Variants in LRFN2 observed in about 807,000 individuals in gnomAD.
The protein encoded by LRFN2 is leucine-rich repeat and fibronectin type-III domain-containing protein 2.
A neutral mutation model predicts 37.3 loss-of-function variants in LRFN2; 18 were observed. The ratio of observed to expected loss-of-function variants is 0.48; its 90% CI spans 0.33 to 0.72. The LOEUF (loss-of-function observed/expected upper bound fraction) is 0.72. Among genes scored for constraint, LRFN2 ranks in the 30% least tolerant of loss-of-function variants. The pLI is 0.02. For synonymous variants in LRFN2, 556 were observed against 466.6 expected, an observed-to-expected ratio of 1.19 and a Z score of -2.47; for missense variants, 1,006 against 1,060.7, an observed-to-expected ratio of 0.95 and a Z score of 0.72.
At chr6:40,567,945 C>T (rs1270971294) in intron 1 of LRFN2, among the ~76,000 whole-genome samples, 1 of 152,168 alleles carries the variant, frequency 6.6e-6, no homozygotes, top group African/African-American at 2.4e-5. Flanking sequence ...CCCTAAACAG[C>T]CTGCTCAAGA....
At chr6:40,582,016 T>C (rs899663160) in intron 1 of LRFN2, among the ~76,000 whole-genome samples, 4 of 152,070 alleles carry the variant, frequency 2.6e-5, no homozygotes, top group African/African-American at 9.7e-5. Context: ...AGTACTACTT[T>C]TGGAGAAAAG....
chr6:40,529,336 G>A (rs1163568633), intron 1 of LRFN2, among the ~76,000 whole-genome samples: 14 of 152,172 alleles, frequency 9.2e-5, no homozygotes, highest in Admixed American at 9.2e-4. Flanking sequence ...GAGGTTTGGG[G>A]TTCAGGGTCA....
At chr6:40,562,189 C>G (rs1215299697) in intron 1 of LRFN2, among the ~76,000 whole-genome samples, 1 of 152,048 alleles carries the variant, frequency 6.6e-6, no homozygotes, top group Non-Finnish European at 1.5e-5. Flanking sequence ...GAGTTGTGGG[C>G]AAGGCTGAGC....
Position 40,496,088 on chromosome 6 carries a change from T to C in LRFN2, c.-18-62957A>G, listed in dbSNP as rs571925932. ...CCATCCAGATGCTCAAGCCAAAAGC[T>C]TAAGAGACATTCTTGATTCCTCCCT... On this transcript the variant is annotated intron_variant, in intron 1 of 2. Coordinates refer to ENST00000338305, the MANE Select transcript of LRFN2 (RefSeq NM_020737.3). 2.0e-5 allele frequency among the ~76,000 whole-genome samples: 3 copies of C among 152,234 alleles called. No homozygotes were observed. The East Asian group carries it at 5.8e-4, about 29-fold the overall frequency.
rs558657514 is a variant in LRFN2 at position 40,444,868 on chromosome 6, T to C, written c.-18-11737A>G. 1.1e-4 allele frequency among the ~76,000 whole-genome samples: 16 copies of C among 152,074 alleles called. No homozygotes were observed. The South Asian group carries it at 3.3e-3, about 32-fold the overall frequency. Reference sequence around the variant, plus strand: ...TTTTTCCTGCTTTGCAATTTTTTGCTTCTCCATTTCCTCCTGCCTCTGTCT... The same window carrying C: ...TTTTTCCTGCTTTGCAATTTTTTGCCTCTCCATTTCCTCCTGCCTCTGTCT... On this transcript the variant is annotated intron_variant, in intron 1 of 2. Transcript: ENST00000338305.
chr6:40,464,037 G>T (rs1764405013), intron 1 of LRFN2, among the ~76,000 whole-genome samples: 1 of 152,114 alleles, frequency 6.6e-6, no homozygotes, highest in African/African-American at 2.4e-5. Context: ...TTACTCTGCA[G>T]GAAGTCCTTT....
At chr6:40,493,480 C>A (rs2113871234) in intron 1 of LRFN2, among the ~76,000 whole-genome samples, 1 of 152,334 alleles carries the variant, frequency 6.6e-6, no homozygotes, top group South Asian at 2.1e-4. Context: ...TCTGCCTTCA[C>A]ATCTTCCATT....
intron 1 of LRFN2, among the ~76,000 whole-genome samples, chr6:40,450,641 C>G (rs1232628494): frequency 6.6e-6 from 1 of 152,158 alleles, no homozygotes; most frequent in Non-Finnish European, 1.5e-5. Flanking sequence ...ACGGGCAACA[C>G]CAAGTGAGGA....
chr6:40,500,256 G>T (rs1407796054), intron 1 of LRFN2, among the ~76,000 whole-genome samples: 1 of 152,242 alleles, frequency 6.6e-6, no homozygotes, highest in Non-Finnish European at 1.5e-5. Context: ...CCAGGGGAAG[G>T]CCCCCTTGCC....
intron 1 of LRFN2, among the ~76,000 whole-genome samples, chr6:40,544,649 G>A (rs1188784928): frequency 1.3e-5 from 2 of 152,220 alleles, no homozygotes; most frequent in African/African-American, 4.8e-5. Flanking sequence ...AAGGAAATTA[G>A]TCCAAGCTCA....
chr6:40,525,225 C>T (rs893325178), intron 1 of LRFN2, among the ~76,000 whole-genome samples: 1 of 152,332 alleles, frequency 6.6e-6, no homozygotes, highest in East Asian at 1.9e-4. Context: ...AGGCCACTCC[C>T]TTGCTCGCCC....
chr6:40,579,975 T>C (rs1767366111), intron 1 of LRFN2, among the ~76,000 whole-genome samples: 1 of 152,090 alleles, frequency 6.6e-6, no homozygotes, highest in Non-Finnish European at 1.5e-5. Flanking sequence ...CCTTAAAGTT[T>C]GAAGGAAGTG....
chr6:40,413,656 T>C (rs969840685), intron 2 of LRFN2, among the ~76,000 whole-genome samples: 1 of 152,166 alleles, frequency 6.6e-6, no homozygotes, highest in Non-Finnish European at 1.5e-5. Flanking sequence ...GTGGAAGGCA[T>C]GCATCAGCCT....
intron 2 of LRFN2, among the ~76,000 whole-genome samples, chr6:40,423,553 AT>A (rs1763278906): frequency 6.6e-6 from 1 of 152,292 alleles, no homozygotes; most frequent in Admixed American, 6.5e-5. Flanking sequence ...CAATAAAGTG[AT>A]TTTCCCATTG....
At chr6:40,515,199 G>A (rs1055873657) in intron 1 of LRFN2, among the ~76,000 whole-genome samples, 1 of 152,198 alleles carries the variant, frequency 6.6e-6, no homozygotes, top group Non-Finnish European at 1.5e-5. Flanking sequence ...CTGAGTAAAG[G>A]GGGGAAGGGG....
chr6:40,529,249 C>T (rs1052261384), intron 1 of LRFN2, among the ~76,000 whole-genome samples: 1 of 152,164 alleles, frequency 6.6e-6, no homozygotes, highest in Non-Finnish European at 1.5e-5. Flanking sequence ...ACCCCAGGAC[C>T]TTTGCATAAC....
intron 1 of LRFN2, among the ~76,000 whole-genome samples, chr6:40,452,911 G>C (rs1279607551): frequency 6.6e-6 from 1 of 152,198 alleles, no homozygotes; most frequent in African/African-American, 2.4e-5. Context: ...CTTAGAAAGA[G>C]AAATTCCAGC....
At chr6:40,427,966 GAGGCTCTGGGCAAACATAC>G (rs1453729365) in intron 2 of LRFN2, among the ~76,000 whole-genome samples, 3 of 152,230 alleles carry the variant, frequency 2.0e-5, no homozygotes, top group African/African-American at 7.2e-5. Context: ...TTGTTAGGTT[GAGGCTCTGGGCAAACATAC>G]AGGCTGCCTG....
chr6:40,539,483 C>T (rs2473580), intron 1 of LRFN2, among the ~76,000 whole-genome samples: 2,986 of 152,298 alleles, frequency 0.02, 115 homozygotes, highest in African/African-American at 0.067. Flanking sequence ...AGGTTCAATT[C>T]ATTCGTTTAT....
Sources: gnomAD v4.1 joint callset for allele counts (sites outside exome capture counted in the v4.1 genomes callset) on GRCh38, gnomAD v4.1.1 for gene constraint, MANE v1.5 for transcripts, NCBI Gene and HGNC (gene_info 2026-07-23, HGNC 2026-07-21) for gene names.